The following DCC variants were observed in gnomAD, a reference collection of about 807,000 sequenced individuals.
The protein encoded by DCC is netrin receptor DCC.
DCC carries 58 observed loss-of-function variants against 172.5 expected under a neutral mutation model. The observed-to-expected ratio is 0.34, with a 90% CI of 0.27 to 0.42. The LOEUF (loss-of-function observed/expected upper bound fraction) is 0.42. DCC is among the 10% of genes least tolerant of loss of function. The probability of loss-of-function intolerance (pLI) is 1.00; values close to 1 mark genes in which losing one functional copy is unlikely to be tolerated. For missense variants in DCC, 1,740 were observed against 1,791.0 expected, an observed-to-expected ratio of 0.97 and a Z score of 0.51; for synonymous variants, 709 against 644.5, an observed-to-expected ratio of 1.10 and a Z score of -1.52.
At chr18:53,002,485 G>A (rs1170650024) in intron 5 of DCC, among the ~76,000 whole-genome samples, 1 of 152,046 alleles carries the variant, frequency 6.6e-6, no homozygotes, top group Non-Finnish European at 1.5e-5. Flanking sequence ...CATAGGGAAA[G>A]TGACCCAGAA....
intron 1 of DCC, among the ~76,000 whole-genome samples, chr18:52,477,805 C>T (rs1989137041): frequency 6.6e-6 from 1 of 152,100 alleles, no homozygotes; most frequent in African/African-American, 2.4e-5. Flanking sequence ...TTCAAAACAG[C>T]TTTCATAACC....
intron 9 of DCC, among the ~76,000 whole-genome samples, chr18:53,192,852 T>C (rs1445063054): frequency 6.6e-6 from 1 of 152,168 alleles, no homozygotes; most frequent in East Asian, 1.9e-4. Context: ...CATGCCCAGT[T>C]TAGTCTATTC....
chr18:52,567,695 TTACTTC>T (rs1219323163), intron 1 of DCC, among the ~76,000 whole-genome samples: 4 of 152,028 alleles, frequency 2.6e-5, no homozygotes, highest in African/African-American at 9.7e-5. Flanking sequence ...TGATGAGAAA[TTACTTC>T]GGTACAAATG....
intron 1 of DCC, among the ~76,000 whole-genome samples, chr18:52,683,562 A>G (rs1443122088): frequency 6.6e-6 from 1 of 152,110 alleles, no homozygotes; most frequent in East Asian, 1.9e-4. Flanking sequence ...TATCTAAACC[A>G]TGGCCTATTA....
intron 11 of DCC, 43 bp downstream of exon 11, chr18:53,207,860 A>G: frequency 2.0e-6 from 3 of 1,536,434 alleles, no homozygotes; most frequent in Non-Finnish European, 2.7e-6. Context: ...ATTTGACATA[A>G]TATTGACAAT....
chr18:52,903,225 A>G (rs572391881), intron 2 of DCC, among the ~76,000 whole-genome samples: 6 of 152,218 alleles, frequency 3.9e-5, no homozygotes, highest in African/African-American at 1.2e-4. Context: ...TCTTTTTTTG[A>G]GACAGGTTCT....
At chr18:53,322,875 T>C (rs2057428900) in intron 14 of DCC, among the ~76,000 whole-genome samples, 1 of 151,542 alleles carries the variant, frequency 6.6e-6, no homozygotes, top group Non-Finnish European at 1.5e-5. Flanking sequence ...AGAATTAGAG[T>C]TAGAAATTTA....
intron 1 of DCC, among the ~76,000 whole-genome samples, chr18:52,585,002 A>T (rs991544317): frequency 6.6e-6 from 1 of 152,240 alleles, no homozygotes; most frequent in Non-Finnish European, 1.5e-5. Context: ...ATTGGAGAGT[A>T]GGTACATGTC....
chr18:52,745,718 T>C (rs1015806523), intron 1 of DCC, among the ~76,000 whole-genome samples: 2 of 152,208 alleles, frequency 1.3e-5, no homozygotes, highest in South Asian at 4.1e-4. Context: ...AGTACAGTGC[T>C]ATAGAGCATT....
At chr18:53,327,652 G>A (rs2057481385) in intron 14 of DCC, among the ~76,000 whole-genome samples, 1 of 152,098 alleles carries the variant, frequency 6.6e-6, no homozygotes, top group African/African-American at 2.4e-5. Flanking sequence ...CCAGGAAATA[G>A]GTAATCAGCC....
intron 12 of DCC, among the ~76,000 whole-genome samples, chr18:53,249,491 A>T (rs1345605317): frequency 6.6e-6 from 1 of 151,910 alleles, no homozygotes; most frequent in African/African-American, 2.4e-5. Context: ...TCATGAAAAA[A>T]ATAGGGATTA....
chr18:53,314,228 C>T (rs74605540), intron 13 of DCC, among the ~76,000 whole-genome samples: 3,507 of 152,298 alleles, frequency 0.023, 65 homozygotes, highest in Middle Eastern at 0.061. Context: ...CAGACTGCTT[C>T]TCTGAAAAGT....
intron 12 of DCC, among the ~76,000 whole-genome samples, chr18:53,276,361 A>G (rs914511887): frequency 3.3e-5 from 5 of 152,164 alleles, no homozygotes; most frequent in African/African-American, 1.2e-4. Context: ...TTCACATTTT[A>G]CATCACTACC....
intron 12 of DCC, among the ~76,000 whole-genome samples, chr18:53,272,527 A>T (rs1350784071): frequency 2.0e-5 from 3 of 152,084 alleles, no homozygotes; most frequent in African/African-American, 7.2e-5. Flanking sequence ...ATTCTGAGTT[A>T]TAGTATGAAT....
chr18:52,671,971 T>G (rs1241679589), intron 1 of DCC, among the ~76,000 whole-genome samples: 1 of 152,194 alleles, frequency 6.6e-6, no homozygotes, highest in Non-Finnish European at 1.5e-5. Context: ...TGTTGAAGTG[T>G]AAGCTTTTAT....
intron 1 of DCC, among the ~76,000 whole-genome samples, chr18:52,634,364 A>T (rs375655545): frequency 1.3e-5 from 2 of 152,242 alleles, no homozygotes; most frequent in Admixed American, 1.3e-4. Flanking sequence ...TAGCACATGT[A>T]GTATTTGTAT....
At chr18:52,472,818 G>T (rs1988985128) in intron 1 of DCC, among the ~76,000 whole-genome samples, 1 of 152,090 alleles carries the variant, frequency 6.6e-6, no homozygotes, top group African/African-American at 2.4e-5. Context: ...GAGGTGGGAG[G>T]ATCACTTGAG....
At chr18:52,623,056 C>T (rs1477818003) in intron 1 of DCC, among the ~76,000 whole-genome samples, 1 of 152,090 alleles carries the variant, frequency 6.6e-6, no homozygotes, top group Admixed American at 6.6e-5. Context: ...AACTGTAGCC[C>T]ACAGGCCAGC....
chr18:52,574,993 G>A (rs2144765408), intron 1 of DCC, among the ~76,000 whole-genome samples: 1 of 152,180 alleles, frequency 6.6e-6, no homozygotes. Flanking sequence ...ACTCTCTGAG[G>A]CTCAGATTTT....
Sources: allele counts gnomAD v4.1 joint callset (sites outside exome capture counted in the v4.1 genomes callset), GRCh38; gene constraint gnomAD v4.1.1; transcripts MANE v1.5; gene names NCBI Gene and HGNC (gene_info 2026-07-23, HGNC 2026-07-21).